The following PPP6R2 variants were observed in gnomAD, a reference collection of about 807,000 sequenced individuals.
PPP6R2 encodes protein phosphatase 6 regulatory subunit 2, also known as serine/threonine-protein phosphatase 6 regulatory subunit 2.
Under a neutral mutation model 100.2 loss-of-function variants are expected in PPP6R2, and 62 were observed. The observed-to-expected ratio is 0.62, with a 90% CI of 0.50 to 0.76. The LOEUF is 0.76. PPP6R2 is among the 30% of genes least tolerant of loss of function. The pLI, the probability that PPP6R2 is intolerant of heterozygous loss-of-function variation, is 0.00. For missense variants in PPP6R2, 1,142 were observed against 1,276.3 expected (o/e 0.89, Z 1.60); for synonymous variants, 525 against 514.7 (o/e 1.02, Z -0.27).
Position 50,423,380 on chromosome 22 carries a change from G to A in PPP6R2, c.973-82G>A, listed in dbSNP as rs2061589238. 4 of 1,565,430 alleles carry A rather than the reference G, an allele frequency of 2.6e-6. No individual in the cohort carries two copies. The East Asian group carries it at 9.0e-5, about 35-fold the overall frequency. On this transcript the variant is annotated intron_variant, in intron 9 of 23. Transcript: ENST00000612753. This position sits in a 1 kb window ranked among gnomAD's most constrained non-coding sequence, Gnocchi z 4.8. ...ACCCCAGGCTGGGTCCCAGCCTAGA[G>A]TGATGGGCATGAGCCCAGAGACTCC...
chr22:50,373,232 A>ATTTC (rs200420909), intron 2 of PPP6R2, among the ~76,000 whole-genome samples: 2 of 146,912 alleles, frequency 1.4e-5, no homozygotes, highest in Non-Finnish European at 3.0e-5. Context: ...AATAAATATA[A>ATTTC]TTTCTTTCTT....
At chr22:50,384,077 C>T (rs946960628) in intron 2 of PPP6R2, among the ~76,000 whole-genome samples, 13 of 150,150 alleles carry the variant, frequency 8.7e-5, no homozygotes, top group African/African-American at 2.4e-4. Context: ...CCTTTGAGCT[C>T]GTGTGTTAGT....
At chr22:50,366,550 G>A (rs1028999935) in intron 1 of PPP6R2, among the ~76,000 whole-genome samples, 5 of 151,824 alleles carry the variant, frequency 3.3e-5, no homozygotes, top group South Asian at 2.1e-4. Context: ...GTGATCCACC[G>A]GCCTCGGCCT....
chr22:50,411,478 C>T (rs1251136927), intron 4 of PPP6R2, among the ~76,000 whole-genome samples: 4 of 151,692 alleles, frequency 2.6e-5, no homozygotes, highest in Non-Finnish European at 4.4e-5. Context: ...AAAGGCCAGG[C>T]GTGCTGGCTC....
In PPP6R2 at chr22:50,443,933, C is replaced by T. The variant is rs769592873; in HGVS notation, c.2647C>T (p.Pro883Ser). Residue 883 changes from proline to serine, a missense_variant, in exon 23 of 24, where the codon CCA becomes TCA. Pro to Ser is a moderately conservative substitution (Grantham distance 74). Around this residue, in one of 2 missense-constraint regions of PPP6R2, gnomAD observed 550 missense variants for 517.4 expected, o/e 1.06. Transcript: ENST00000612753. ...CPAPKEVTAA[P>S]AVAVPPEATV... is the part of the protein sequence containing the mutation. ...CGCGCCAAAGGAAGTGACTGCTGCC[C>T]CAGCCGTGGCTGTGCCCCCCGAGGC... 5.0e-6 allele frequency: 8 copies of T among 1,606,830 alleles called. No individual in the cohort carries two copies. The highest frequency in any genetic ancestry group is 6.8e-6 in the Non-Finnish European group (8 of 1,177,260).
intron 2 of PPP6R2, among the ~76,000 whole-genome samples, chr22:50,388,814 G>C (rs552722726): frequency 2.4e-4 from 37 of 151,850 alleles, no homozygotes; most frequent in African/African-American, 8.7e-4. Flanking sequence ...GGAAGTTGCG[G>C]TGACCTGAGA....
At chr22:50,439,237 C>T (rs971632631) in intron 19 of PPP6R2, among the ~76,000 whole-genome samples, 1 of 152,212 alleles carries the variant, frequency 6.6e-6, no homozygotes, top group Admixed American at 6.5e-5. Context: ...GGGCAGAGAT[C>T]TCTGTTAGGA....
intron 2 of PPP6R2, among the ~76,000 whole-genome samples, chr22:50,376,887 C>T (rs1011163146): frequency 2.6e-5 from 4 of 151,876 alleles, no homozygotes; most frequent in Admixed American, 6.6e-5. Flanking sequence ...ATTAGCCGGG[C>T]GCGGTGGCAG....
chr22:50,379,324 C>T (rs767363988), intron 2 of PPP6R2, among the ~76,000 whole-genome samples: 3 of 151,102 alleles, frequency 2.0e-5, no homozygotes, highest in Non-Finnish European at 3.0e-5. Flanking sequence ...GGTGAAACCC[C>T]GTCTCTACAA....
intron 2 of PPP6R2, among the ~76,000 whole-genome samples, chr22:50,385,925 G>A (rs1366152259): frequency 7.1e-6 from 1 of 140,660 alleles, no homozygotes; most frequent in Non-Finnish European, 1.5e-5. Context: ...CCCAGTTCAT[G>A]CCATTCTCCT....
At chr22:50,419,289 T>C (rs957007743) in intron 7 of PPP6R2, 60 bp from the exon 8 acceptor site, 1 of 1,444,690 alleles carries the variant, frequency 6.9e-7, no homozygotes, top group African/African-American at 1.4e-5. Context: ...AGGAGCATCC[T>C]TGCATCCTTT....
intron 1 of PPP6R2, among the ~76,000 whole-genome samples, chr22:50,356,203 A>G (rs2046534124): frequency 6.6e-6 from 1 of 151,504 alleles, no homozygotes; most frequent in African/African-American, 2.4e-5. Context: ...TGACCTCGTG[A>G]TCTGCCTGCC....
intron 10 of PPP6R2, among the ~76,000 whole-genome samples, chr22:50,429,977 A>C (rs188048957): frequency 7.8e-4 from 119 of 151,774 alleles, no homozygotes; most frequent in African/African-American, 2.9e-3. Flanking sequence ...GAGGAGCCCA[A>C]GCTCGAATCC....
chr22:50,340,360 G>GTA (rs2042358589), upstream of PPP6R2, among the ~76,000 whole-genome samples: 1 of 122,912 alleles, frequency 8.1e-6, no homozygotes, highest in African/African-American at 3.1e-5. Context: ...TGTGTGGTAT[G>GTA]GAGTGTGTGG....
chr22:50,352,188 G>A (rs183803983), intron 1 of PPP6R2, among the ~76,000 whole-genome samples: 2 of 151,978 alleles, frequency 1.3e-5, no homozygotes, highest in African/African-American at 4.8e-5. Flanking sequence ...TGATCCTTCC[G>A]CCTCGGCCTC....
chr22:50,439,051 ACAGT>A (rs2065023841), intron 19 of PPP6R2, among the ~76,000 whole-genome samples: 1 of 151,140 alleles, frequency 6.6e-6, no homozygotes, highest in African/African-American at 2.4e-5. Context: ...CAGCCCCCAC[ACAGT>A]CAGGCACAGG....
At chr22:50,392,436 T>C (rs2055815733) in intron 2 of PPP6R2, among the ~76,000 whole-genome samples, 1 of 152,014 alleles carries the variant, frequency 6.6e-6, no homozygotes, top group Non-Finnish European at 1.5e-5. Context: ...AGCAGCTTCA[T>C]TTTGGGGCCT....
At chr22:50,357,595 A>G (rs373022457) in intron 1 of PPP6R2, among the ~76,000 whole-genome samples, 187 of 151,760 alleles carry the variant, frequency 1.2e-3, no homozygotes, top group African/African-American at 4.0e-3. Context: ...CCTAGGATCA[A>G]GCAGTCTTCC....
chr22:50,432,112 C>T (rs917624442), intron 11 of PPP6R2, among the ~76,000 whole-genome samples, 153 bp from the exon 12 acceptor site: 2 of 152,122 alleles, frequency 1.3e-5, no homozygotes, highest in African/African-American at 4.8e-5. Flanking sequence ...GTGAGGACCG[C>T]GGAGGCTGGG....
Sources: allele counts gnomAD v4.1 joint callset (sites outside exome capture counted in the v4.1 genomes callset), GRCh38; gene constraint gnomAD v4.1.1; regional missense constraint gnomAD v4.1.1; non-coding constraint Gnocchi (gnomAD v3.1); transcripts MANE v1.5; gene names NCBI Gene and HGNC (gene_info 2026-07-23, HGNC 2026-07-21).